ERCC2: variants seen among roughly 807,000 people sequenced by gnomAD.
The protein encoded by ERCC2 is ERCC excision repair 2, TFIIH core complex helicase subunit, also known as general transcription and DNA repair factor IIH helicase subunit XPD.
In ERCC2, 90 loss-of-function variants were observed where a neutral mutation model predicts 99.4. That is an observed-to-expected ratio of 0.91 (90% CI 0.76 to 1.08). The LOEUF (loss-of-function observed/expected upper bound fraction) is 1.08. Among genes scored for constraint, ERCC2 ranks in the 50% least tolerant of loss-of-function variants. The pLI, the probability that ERCC2 is intolerant of heterozygous loss-of-function variation, is 0.00. For synonymous variants in ERCC2, 497 were observed against 432.4 expected (o/e 1.15, Z -1.85); for missense variants, 993 against 1,038.1 (o/e 0.96, Z 0.60).
chr19:45,360,211 G>A (rs1335723682), intron 12 of ERCC2, among the ~76,000 whole-genome samples: 4 of 151,254 alleles, frequency 2.6e-5, no homozygotes, highest in African/African-American at 9.7e-5. Flanking sequence ...CTCCTGAGCA[G>A]CTGGGACTAC....
At chr19:45,367,460 A>G (rs908974308) in intron 5 of ERCC2, among the ~76,000 whole-genome samples, 1 of 152,040 alleles carries the variant, frequency 6.6e-6, no homozygotes, top group Admixed American at 6.6e-5. Flanking sequence ...ACATATATAC[A>G]TTCTGTGGGT....
chr19:45,357,980 G>C (rs867316339), intron 12 of ERCC2: 1 of 535,636 alleles, frequency 1.9e-6, no homozygotes, highest in African/African-American at 1.9e-5. Context: ...TCCCAGCACC[G>C]CATGGGCTGC....
In ERCC2 at chr19:45,364,352, C is replaced by T. The variant is rs750550334; in HGVS notation, c.719-21G>A. On this transcript the variant is annotated intron_variant, in intron 8 of 22. Transcript: ENST00000391945. ...GTTGTCTGGAGAAGGGGGAGAGAGCCGGCTCAGGCAGGCCTGCAGGGGCCT... is the reference window on the plus strand; with the variant it reads ...GTTGTCTGGAGAAGGGGGAGAGAGCTGGCTCAGGCAGGCCTGCAGGGGCCT... 6.2e-6 allele frequency: 10 copies of T among 1,613,840 alleles called. No homozygotes were observed. In the African/African-American group the frequency reaches 8.0e-5, roughly 13 times the overall value.
intron 14 of ERCC2, 21 bp downstream of exon 14, chr19:45,357,453 G>A (rs377690441): frequency 1.2e-5 from 20 of 1,613,312 alleles, no homozygotes; most frequent in African/African-American, 1.1e-4. Flanking sequence ...GGACTAGGAG[G>A]GGACGGGGAA....
chr19:45,354,016 C>T (rs1971925871), intron 17 of ERCC2, among the ~76,000 whole-genome samples: 1 of 152,200 alleles, frequency 6.6e-6, no homozygotes, highest in Non-Finnish European at 1.5e-5. Flanking sequence ...CGCGTGGAAG[C>T]CGCCTATTGA....
rs372468267 is a variant in ERCC2 at position 45,361,615 on chromosome 19, C to G, written c.1146G>C (p.Leu382=). Residue 382 remains leucine, a synonymous_variant, in exon 12 of 23, where the codon CTG becomes CTC. Transcript: ENST00000391945. ...LRFCAERLRS[L]LHTLEITDLA... ...GGTCGGTGATCTCCAGAGTATGCAG[C>G]AGGGACCGGAGGCGTTCAGCACAGA... 2.3e-5 allele frequency: 37 copies of G among 1,613,760 alleles called. 1 individual carries two copies. Among genetic ancestry groups the G allele is most frequent in the South Asian group, 2.0e-4 (18 of 91,082 alleles).
chr19:45,350,661 A>ACT lies in ERCC2; in HGVS notation c.*966_*967dup. 1.2e-6 allele frequency: 2 copies of ACT among 1,612,472 alleles called. No individual in the cohort carries two copies. Among genetic ancestry groups the ACT allele is most frequent in the Non-Finnish European group, 1.7e-6 (2 of 1,179,532 alleles). ...CCCAGGCCCTTCGCCGCAGCAGCTC[A>ACT]CTCTCCAAGATCCGTGAGTCTATCA... is the stretch of plus-strand genomic sequence containing the variant. On this transcript the variant is annotated 3_prime_UTR_variant, in exon 23 of 23. Transcript: ENST00000391945.
Position 45,368,528 on chromosome 19 carries a change from G to A in ERCC2, c.360+102C>T. ...GGAATTCTGTGTGTAGCCACTGCAT[G>A]CCTTTGCAAGAGATATGGCCTGGGG... On this transcript the variant is annotated intron_variant, in intron 5 of 22. Transcript: ENST00000391945. 3.8e-5 allele frequency: 30 copies of A among 791,590 alleles called. No homozygotes were observed. The South Asian group carries it at 4.1e-4, about 11-fold the overall frequency. 49.0% of individuals were successfully genotyped at this position (791,590 alleles called of 1,614,324 possible). A position where few individuals can be genotyped will look rare whatever the true frequency, so the allele number is the denominator to read the frequency against.
chr19:45,354,600 A>T, intron 17 of ERCC2, 130 bp downstream of exon 17: 1 of 1,194,478 alleles, frequency 8.4e-7, no homozygotes, highest in Non-Finnish European at 1.2e-6. Context: ...CCATTCCTAC[A>T]TGCTGCACAC....
chr19:45,357,847 A>C, intron 12 of ERCC2, 148 bp from the exon 13 acceptor site: 1 of 749,074 alleles, frequency 1.3e-6, no homozygotes, highest in Non-Finnish European at 2.3e-6. Flanking sequence ...TGACTGCTTA[A>C]GCCCCAAACC....
Position 45,361,573 on chromosome 19 carries a change from C to A in ERCC2, c.1188G>T (p.Pro396=). ...TGGCAAAGTTAGCAAGGAGGGTGAG[C>A]GGGGAGAAGTCAGCAAGGTCGGTGA... ...LEITDLADFS[P]LTLLANFATL... The change falls in exon 12 of 23, where the codon CCG becomes CCT. Residue 396 remains proline, a synonymous_variant. Coordinates refer to ENST00000391945, the MANE Select transcript of ERCC2 (RefSeq NM_000400.4). The A allele has an allele frequency of 6.2e-7, 1 of 1,613,904 alleles. No homozygotes were observed. Among genetic ancestry groups the A allele is most frequent in the African/African-American group, 1.3e-5 (1 of 75,004 alleles).
chr19:45,358,410 C>G (rs772289457), intron 12 of ERCC2: 1 of 210,950 alleles, frequency 4.7e-6, no homozygotes. Context: ...CCCGACCCCA[C>G]GCGGGGCCAG....
rs535725825 is a variant in ERCC2 at position 45,353,018 on chromosome 19, G to A, written c.1831+65C>T. 45 of 1,528,890 alleles carry A rather than the reference G, an allele frequency of 2.9e-5. No homozygotes were observed. In the African/African-American group the frequency reaches 5.6e-4, roughly 19 times the overall value. 94.7% of individuals were successfully genotyped at this position (1,528,890 alleles called of 1,614,324 possible). On this transcript the variant is annotated intron_variant, in intron 19 of 22. Transcript: ENST00000391945. ...TGGTTCCCCGCGGGAGCAGACAGCA[G>A]AGCGGGCAGGTGTTCCAGAGAGCTC...
rs1186353697 is a variant in ERCC2 at position 45,350,679 on chromosome 19, GTC to G, written c.*948_*949del. The G allele has an allele frequency of 6.8e-6, 11 of 1,613,780 alleles. No homozygotes were observed. The Admixed American group carries it at 8.3e-5, about 12-fold the overall frequency. On this transcript the variant is annotated 3_prime_UTR_variant, in exon 23 of 23. Coordinates refer to ENST00000391945, the MANE Select transcript of ERCC2 (RefSeq NM_000400.4). ...GCAGCTCACTCTCCAAGATCCGTGA[GTC>G]TATCAGGCGAGGAAGTGAGAAGCTG...
intron 16 of ERCC2, 85 bp from the exon 17 acceptor site, chr19:45,354,936 C>A: frequency 2.5e-6 from 4 of 1,571,214 alleles, no homozygotes; most frequent in Non-Finnish European, 3.5e-6. Context: ...CTGGAAACCC[C>A]ACTGAGGCTG....
rs1019204101 is a variant in ERCC2, at chr19:45,350,343, C to T, written c.*1286G>A. On this transcript the variant is annotated 3_prime_UTR_variant, in exon 23 of 23. Transcript: ENST00000391945. ...CCCAGACACTCCCTTCTCCGCAGGC[C>T]TCAGCCTACCTGAAACAGAACAAGT... The T allele has an allele frequency of 1.2e-6, 2 of 1,613,230 alleles. No homozygotes were observed. Among genetic ancestry groups the T allele is most frequent in the African/African-American group, 2.7e-5 (2 of 74,792 alleles).
At position 45,349,972 on chromosome 19, in the gene ERCC2, C is replaced by G; in HGVS notation, c.*1657G>C. 1 of 414,644 alleles carries G rather than the reference C, an allele frequency of 2.4e-6. No individual in the cohort carries two copies. Among genetic ancestry groups the G allele is most frequent in the Non-Finnish European group, 4.4e-6 (1 of 229,648 alleles). 25.7% of individuals were successfully genotyped at this position (414,644 alleles called of 1,614,324 possible). A position where few individuals can be genotyped will look rare whatever the true frequency, so the allele number is the denominator to read the frequency against. On this transcript the variant is annotated 3_prime_UTR_variant, in exon 23 of 23. Transcript: ENST00000391945. ...TTTGCGTGTGGGAAGACTGAGGCAC[C>G]GAGGCCATGCCACCAGCCCAAAGTA... is the stretch of plus-strand genomic sequence containing the variant.
At chr19:45,356,779 G>C (rs1334360285) in intron 15 of ERCC2, among the ~76,000 whole-genome samples, 1 of 152,206 alleles carries the variant, frequency 6.6e-6, no homozygotes, top group East Asian at 1.9e-4. Context: ...CTGCACTCCA[G>C]CCTGGGCAAC....
At chr19:45,355,829 TTTTTA>T in intron 15 of ERCC2, 101 bp from the exon 16 acceptor site, 3 of 976,638 alleles carry the variant, frequency 3.1e-6, no homozygotes, top group Non-Finnish European at 1.6e-6. Flanking sequence ...TTTTTTTTTT[TTTTTA>T]AAGAGAGACA....
Sources: allele counts gnomAD v4.1 joint callset (sites outside exome capture counted in the v4.1 genomes callset), GRCh38; gene constraint gnomAD v4.1.1; transcripts MANE v1.5; gene names NCBI Gene and HGNC (gene_info 2026-07-23, HGNC 2026-07-21).